Variants in ZMYM2 observed in about 807,000 individuals in gnomAD.
ZMYM2 encodes zinc finger MYM-type protein 2.
In ZMYM2, 56 loss-of-function variants were observed where a neutral mutation model predicts 162.8. That is an observed-to-expected ratio of 0.34 (90% confidence interval 0.28 to 0.43). The LOEUF (loss-of-function observed/expected upper bound fraction) is 0.43, where lower values mean the gene tolerates loss of function less well. Among genes scored for constraint, ZMYM2 ranks in the 20% least tolerant of loss-of-function variants. The pLI is 1.00. For missense variants in ZMYM2, 1,275 were observed against 1,621.8 expected, an observed-to-expected ratio of 0.79 and a Z score of 3.67; for synonymous variants, 510 against 541.6, an observed-to-expected ratio of 0.94 and a Z score of 0.81.
At chr13:20,005,797 A>G (rs924317851) in intron 5 of ZMYM2, among the ~76,000 whole-genome samples, 2 of 152,180 alleles carry the variant, frequency 1.3e-5, no homozygotes, top group South Asian at 4.1e-4. Context: ...TATGAAGTTT[A>G]ATATCACCAC....
At chr13:19,936,310 A>G in the ZMYM2 span, among the ~76,000 whole-genome samples, 4,027 of 152,338 alleles carry the variant, frequency 0.026, 125 homozygotes, top group East Asian at 0.14. Flanking sequence ...GCTTTGCTAC[A>G]TAAACTATTT....
chr13:20,080,521 G>A (rs1346460965), intron 21 of ZMYM2, among the ~76,000 whole-genome samples: 3 of 151,086 alleles, frequency 2.0e-5, no homozygotes, highest in South Asian at 2.1e-4. Context: ...ACTGGGCCTC[G>A]GTCTGTCCCA....
chr13:20,083,619 T>C, intron 23 of ZMYM2, 37 bp from the exon 24 acceptor site: 1 of 1,413,420 alleles, frequency 7.1e-7, no homozygotes, highest in South Asian at 1.3e-5. Context: ...TTCTTCAAGA[T>C]TAGTTTAGGA....
intron 6 of ZMYM2, among the ~76,000 whole-genome samples, chr13:20,011,701 T>TC (rs1342312830): frequency 6.6e-6 from 1 of 151,532 alleles, no homozygotes; most frequent in Non-Finnish European, 1.5e-5. Flanking sequence ...TGCCTCAGCC[T>TC]CCCAAGTAGC....
chr13:20,083,568 A>G (rs942953887), intron 23 of ZMYM2, 88 bp from the exon 24 acceptor site: 7 of 1,058,392 alleles, frequency 6.6e-6, no homozygotes, highest in African/African-American at 1.6e-5. Flanking sequence ...ACCTGGTCCT[A>G]TTCTTTGGTA....
chr13:20,030,622 T>C (rs1396417922), intron 9 of ZMYM2, among the ~76,000 whole-genome samples: 2 of 151,990 alleles, frequency 1.3e-5, no homozygotes, highest in African/African-American at 4.8e-5. Flanking sequence ...ATGGTCTCGA[T>C]CTCCTGACTT....
chr13:19,931,895 G>C, the ZMYM2 span, among the ~76,000 whole-genome samples: 1 of 152,172 alleles, frequency 6.6e-6, no homozygotes, highest in Non-Finnish European at 1.5e-5. Flanking sequence ...AAAGTCCTGG[G>C]ATTACAGTCG....
chr13:20,005,551 A>G (rs1293166279), intron 5 of ZMYM2, among the ~76,000 whole-genome samples: 1 of 152,146 alleles, frequency 6.6e-6, no homozygotes, highest in Non-Finnish European at 1.5e-5. Context: ...CTAGTAATAT[A>G]TTTATTTAAA....
intron 17 of ZMYM2, 81 bp downstream of exon 17, chr13:20,061,305 A>AT (rs1408655880): frequency 6.8e-7 from 1 of 1,459,880 alleles, no homozygotes; most frequent in Non-Finnish European, 9.2e-7. Flanking sequence ...TTTCCAGGGC[A>AT]TATCATTTTG....
At chr13:19,976,223 G>T (rs1956774654) in intron 2 of ZMYM2, among the ~76,000 whole-genome samples, 1 of 151,620 alleles carries the variant, frequency 6.6e-6, no homozygotes, top group African/African-American at 2.4e-5. Context: ...AGCTACTTGG[G>T]AGGCTGAGGC....
intron 2 of ZMYM2, among the ~76,000 whole-genome samples, chr13:19,968,408 C>T (rs549012792): frequency 9.2e-5 from 14 of 152,114 alleles, no homozygotes; most frequent in African/African-American, 2.7e-4. Flanking sequence ...TACAGGTGCG[C>T]GCCACTGTCC....
the ZMYM2 span, among the ~76,000 whole-genome samples, chr13:19,888,168 C>T: frequency 6.6e-6 from 1 of 151,646 alleles, no homozygotes; most frequent in Non-Finnish European, 1.5e-5. Context: ...CATGCTCCAT[C>T]GCGCCTGGCT....
chr13:19,932,808 G>T, the ZMYM2 span, among the ~76,000 whole-genome samples: 2 of 152,082 alleles, frequency 1.3e-5, no homozygotes, highest in Non-Finnish European at 2.9e-5. Flanking sequence ...TATATCCTCT[G>T]GAACTGTAAG....
the ZMYM2 span, among the ~76,000 whole-genome samples, chr13:19,896,483 G>A: frequency 1.3e-4 from 20 of 151,050 alleles, no homozygotes; most frequent in East Asian, 3.2e-3. Flanking sequence ...TTGGCTGAGC[G>A]TGGTGGCTCA....
the ZMYM2 span, among the ~76,000 whole-genome samples, chr13:19,935,774 G>T: frequency 6.6e-6 from 1 of 151,930 alleles, no homozygotes; most frequent in African/African-American, 2.4e-5. Context: ...TCCCCTTATA[G>T]GATACAGAGT....
In ZMYM2 at chr13:19,965,859, C is replaced by T. The variant is rs545860226; in HGVS notation, c.-11+5833C>T. 3.1e-4 allele frequency among the ~76,000 whole-genome samples: 46 copies of T among 149,536 alleles called. 1 individual carries two copies. The highest frequency in any genetic ancestry group is 3.8e-4 in the Non-Finnish European group (26 of 67,614). On this transcript the variant is annotated intron_variant, in intron 2 of 24. Transcript: ENST00000610343. Reference sequence around the variant, plus strand: ...CATGATCTCAGCTCACTGCAACCTCCGCCTCCTGGGTTCAACTTGAAGCAA... The same window carrying T: ...CATGATCTCAGCTCACTGCAACCTCTGCCTCCTGGGTTCAACTTGAAGCAA...
chr13:20,050,022 C>G (rs1167604592), intron 12 of ZMYM2, among the ~76,000 whole-genome samples: 1 of 151,822 alleles, frequency 6.6e-6, no homozygotes, highest in Non-Finnish European at 1.5e-5. Flanking sequence ...AACAAAGGGA[C>G]TTTTTTATTA....
At chr13:19,996,998 A>G (rs982743562) in intron 3 of ZMYM2, among the ~76,000 whole-genome samples, 3 of 152,162 alleles carry the variant, frequency 2.0e-5, no homozygotes, top group African/African-American at 4.8e-5. Flanking sequence ...GGTGCGTGTT[A>G]ATAGCCAGCA....
At chr13:19,907,293 G>A in the ZMYM2 span, among the ~76,000 whole-genome samples, 13 of 151,564 alleles carry the variant, frequency 8.6e-5, 1 homozygote, top group Middle Eastern at 6.3e-3. Context: ...TCTTTTATCC[G>A]GACAATAAAA....
Sources: allele counts gnomAD v4.1 joint callset (sites outside exome capture counted in the v4.1 genomes callset), GRCh38; gene constraint gnomAD v4.1.1; transcripts MANE v1.5; gene names NCBI Gene and HGNC (gene_info 2026-07-23, HGNC 2026-07-21).